ERBB4: variants seen among roughly 807,000 people sequenced by gnomAD.
The protein encoded by ERBB4 is receptor tyrosine-protein kinase erbB-4.
A neutral mutation model predicts 158.0 loss-of-function variants in ERBB4; 42 were observed. That is an observed-to-expected ratio of 0.27 (90% CI 0.21 to 0.34). The LOEUF is 0.34. ERBB4 is among the 10% of genes least tolerant of loss of function. The pLI is 1.00. For missense variants in ERBB4, 1,333 were observed against 1,624.1 expected (o/e 0.82, Z 3.08); for synonymous variants, 583 against 558.7 (o/e 1.04, Z -0.61).
intron 2 of ERBB4, among the ~76,000 whole-genome samples, chr2:212,088,555 C>T (rs1300118594): frequency 2.0e-5 from 3 of 152,064 alleles, no homozygotes; most frequent in Non-Finnish European, 4.4e-5. Context: ...AGATGAAATT[C>T]ACACCCTGGT....
intron 27 of ERBB4, among the ~76,000 whole-genome samples, chr2:211,384,793 TATATAAA>T (rs1344806902): frequency 2.6e-5 from 4 of 152,138 alleles, no homozygotes; most frequent in Non-Finnish European, 5.9e-5. Context: ...CAGCTTGAAT[TATATAAA>T]ATAAAATAAA....
intron 1 of ERBB4, among the ~76,000 whole-genome samples, chr2:212,341,617 C>CTTTG (rs3040346): frequency 0.7 from 106,656 of 151,574 alleles, 37,603 homozygotes; most frequent in East Asian, 0.8. Context: ...TATAGACTGT[C>CTTTG]TTTGACTAAA....
In ERBB4 at chr2:211,961,562, A is replaced by C. The variant is rs141598999; in HGVS notation, c.235-13946T>G. On this transcript the variant is annotated intron_variant, in intron 2 of 27. Coordinates refer to ENST00000342788, the MANE Select transcript of ERBB4 (RefSeq NM_005235.3). ...CAGACTAACTTGTTAGCTTGCAAAC[A>C]CTCTAAAATCTCAGACATTTGACAT... is the stretch of plus-strand genomic sequence containing the variant. Among the ~76,000 whole-genome samples the C allele has an allele frequency of 1.1e-3, 171 of 152,236 alleles. 1 individual carries two copies. The highest frequency in any genetic ancestry group is 3.5e-3 in the African/African-American group (145 of 41,560).
At chr2:211,569,571 T>G (rs1363715898) in intron 19 of ERBB4, among the ~76,000 whole-genome samples, 1 of 152,152 alleles carries the variant, frequency 6.6e-6, no homozygotes, top group African/African-American at 2.4e-5. Context: ...AATGAAACGG[T>G]GGTCGCAGAG....
chr2:212,465,133 T>C (rs1688767836), intron 1 of ERBB4, among the ~76,000 whole-genome samples: 3 of 152,256 alleles, frequency 2.0e-5, no homozygotes, highest in Admixed American at 2.0e-4. Flanking sequence ...GGAAATAAGA[T>C]ACCTTGGTTA....
chr2:211,978,300 A>G (rs140561798), intron 2 of ERBB4, among the ~76,000 whole-genome samples: 53 of 152,232 alleles, frequency 3.5e-4, no homozygotes, highest in African/African-American at 1.3e-3. Flanking sequence ...CCTAGCAAAC[A>G]GCCAAACACA....
chr2:211,784,950 G>A (rs2076122342), intron 4 of ERBB4, among the ~76,000 whole-genome samples: 1 of 151,740 alleles, frequency 6.6e-6, no homozygotes, highest in East Asian at 1.9e-4. Context: ...CTTTTTCATT[G>A]GATTATTTGC....
At chr2:212,292,457 A>G (rs116224300) in intron 1 of ERBB4, among the ~76,000 whole-genome samples, 2,040 of 152,116 alleles carry the variant, frequency 0.013, 48 homozygotes, top group African/African-American at 0.046. Context: ...TTAATATTGC[A>G]GTTAATTTCT....
rs1010431949 is a variant in ERBB4, at chr2:212,005,774, C to T, written c.235-58158G>A. Among the ~76,000 whole-genome samples, 2 of 152,236 alleles carry T rather than the reference C, an allele frequency of 1.3e-5. 1 individual carries two copies. The highest frequency in any genetic ancestry group is 4.1e-4 in the South Asian group (2 of 4,826). On this transcript the variant is annotated intron_variant, in intron 2 of 27. Coordinates refer to ENST00000342788, the MANE Select transcript of ERBB4 (RefSeq NM_005235.3). ...GAGCCAATTTTTATTTTCCATATTT[C>T]TATTTTTCAATATGTTAAAGATAAC...
At chr2:211,941,996 T>C (rs1349999201) in intron 3 of ERBB4, among the ~76,000 whole-genome samples, 1 of 152,152 alleles carries the variant, frequency 6.6e-6, no homozygotes, top group Admixed American at 6.5e-5. Flanking sequence ...ATAAAGAATC[T>C]GAGTCTCAGA....
intron 20 of ERBB4, among the ~76,000 whole-genome samples, chr2:211,509,882 A>C (rs2065846381): frequency 6.6e-6 from 1 of 152,098 alleles, no homozygotes; most frequent in Admixed American, 6.5e-5. Flanking sequence ...ACAAATTAAA[A>C]CCGCAGTGAA....
At chr2:212,160,161 G>A (rs2081161516) in intron 1 of ERBB4, among the ~76,000 whole-genome samples, 1 of 151,788 alleles carries the variant, frequency 6.6e-6, no homozygotes, top group African/African-American at 2.4e-5. Flanking sequence ...TATGAACTTT[G>A]GGTTCAACTT....
rs532311547 is a variant in ERBB4 at position 211,849,570 on chromosome 2, A to C, written c.422-61411T>G. ...TATGGTGCTAACTCTTAGATTTCCAACTATGCCCAGATCCTTTATAGACAT... is the reference window on the plus strand; with the variant it reads ...TATGGTGCTAACTCTTAGATTTCCACCTATGCCCAGATCCTTTATAGACAT... On this transcript the variant is annotated intron_variant, in intron 3 of 27. Coordinates refer to ENST00000342788, the MANE Select transcript of ERBB4 (RefSeq NM_005235.3). 2.0e-5 allele frequency among the ~76,000 whole-genome samples: 3 copies of C among 152,112 alleles called. No individual in the cohort carries two copies. The East Asian group carries it at 5.8e-4, about 29-fold the overall frequency.
chr2:212,069,979 AG>A (rs2078063157), intron 2 of ERBB4, among the ~76,000 whole-genome samples: 1 of 151,296 alleles, frequency 6.6e-6, no homozygotes, highest in East Asian at 2.0e-4. Flanking sequence ...AAAAAAGCCA[AG>A]CACAGTGGCA....
intron 20 of ERBB4, 106 bp from the exon 21 acceptor site, chr2:211,431,206 A>G: frequency 2.1e-6 from 2 of 960,892 alleles, no homozygotes; most frequent in South Asian, 1.4e-5. Flanking sequence ...TAATTTTTTA[A>G]GTGAAGCCAG....
intron 1 of ERBB4, among the ~76,000 whole-genome samples, chr2:212,141,947 TA>T (rs925641454): frequency 2.8e-4 from 43 of 152,258 alleles, no homozygotes; most frequent in African/African-American, 9.9e-4. Context: ...TCAATCAGAA[TA>T]AAATTAAAAG....
At chr2:212,331,327 A>C (rs2106294361) in intron 1 of ERBB4, among the ~76,000 whole-genome samples, 1 of 151,714 alleles carries the variant, frequency 6.6e-6, no homozygotes, top group South Asian at 2.1e-4. Context: ...ACAAATAATT[A>C]GTATATAAAA....
chr2:212,349,319 A>ACACACC (rs1553622915), intron 1 of ERBB4, among the ~76,000 whole-genome samples: 111 of 151,084 alleles, frequency 7.3e-4, no homozygotes, highest in African/African-American at 2.5e-3. Context: ...ACACACACAC[A>ACACACC]CACCCTTCAA....
chr2:212,263,805 T>C (rs986237368), intron 1 of ERBB4, among the ~76,000 whole-genome samples: 1 of 151,878 alleles, frequency 6.6e-6, no homozygotes, highest in Non-Finnish European at 1.5e-5. Context: ...TTTCCATTTT[T>C]CCTTTTTTTT....
Sources: gnomAD v4.1 joint callset for allele counts (sites outside exome capture counted in the v4.1 genomes callset) on GRCh38, gnomAD v4.1.1 for gene constraint, MANE v1.5 for transcripts, NCBI Gene and HGNC (gene_info 2026-07-23, HGNC 2026-07-21) for gene names.